The following CDH23 variants were observed in gnomAD, a reference collection of about 807,000 sequenced individuals.
The protein encoded by CDH23 is cadherin related 23, also known as cadherin-23.
Under a neutral mutation model 317.1 loss-of-function variants are expected in CDH23, and 189 were observed. That is an observed-to-expected ratio of 0.60 (90% CI 0.53 to 0.67). CDH23 has a LOEUF of 0.67. Ranked by LOEUF, CDH23 falls within the 30% of genes least tolerant of loss-of-function variation. The pLI is 0.00. For missense variants in CDH23, 4,401 were observed against 4,592.4 expected (o/e 0.96, Z 1.20); for synonymous variants, 1,839 against 1,876.8 (o/e 0.98, Z 0.52).
intron 9 of CDH23, among the ~76,000 whole-genome samples, chr10:71,580,680 C>T (rs886569060): frequency 5.3e-5 from 8 of 152,190 alleles, no homozygotes; most frequent in South Asian, 2.1e-4. Context: ...TTGAACAACA[C>T]GTGCAGGGTG....
intron 1 of CDH23, among the ~76,000 whole-genome samples, chr10:71,434,915 CCTT>C (rs1849551903): frequency 6.6e-6 from 1 of 152,320 alleles, no homozygotes; most frequent in African/African-American, 2.4e-5. Context: ...CAGCCATCTG[CCTT>C]CTTCTTGGCA....
At chr10:71,689,629 C>T (rs1441497524) in intron 19 of CDH23, among the ~76,000 whole-genome samples, 1 of 152,234 alleles carries the variant, frequency 6.6e-6, no homozygotes, top group Non-Finnish European at 1.5e-5. Flanking sequence ...ACCAGCCCTG[C>T]AGCCCAGTGG....
At chr10:71,763,601 C>A (rs1840453678) in intron 38 of CDH23, among the ~76,000 whole-genome samples, 1 of 152,214 alleles carries the variant, frequency 6.6e-6, no homozygotes, top group Non-Finnish European at 1.5e-5. Flanking sequence ...CTGTACTGGA[C>A]CAGTAGCTGT....
intron 9 of CDH23, among the ~76,000 whole-genome samples, chr10:71,597,103 T>G (rs1054347426): frequency 6.6e-6 from 1 of 152,028 alleles, no homozygotes; most frequent in African/African-American, 2.4e-5. Flanking sequence ...ACTTGTTATA[T>G]CATAGGCCCC....
intron 38 of CDH23, chr10:71,753,891 G>A: frequency 2.2e-6 from 1 of 456,368 alleles, no homozygotes; most frequent in Non-Finnish European, 4.4e-6. Context: ...CTTCGTGCAG[G>A]TGCACACGGG....
At chr10:71,741,613 C>G in intron 37 of CDH23, 81 bp from the exon 38 acceptor site, 1 of 1,216,050 alleles carries the variant, frequency 8.2e-7, no homozygotes, top group Non-Finnish European at 1.2e-6. Context: ...ACAGGGGGAG[C>G]CTTCGGGCTA....
At chr10:71,521,492 C>G (rs1854679116) in intron 6 of CDH23, among the ~76,000 whole-genome samples, 1 of 152,184 alleles carries the variant, frequency 6.6e-6, no homozygotes, top group Non-Finnish European at 1.5e-5. Context: ...CATTCCTATC[C>G]CAATACCAAG....
At chr10:71,502,411 G>A (rs1199437453) in intron 3 of CDH23, among the ~76,000 whole-genome samples, 6 of 152,230 alleles carry the variant, frequency 3.9e-5, no homozygotes, top group Admixed American at 1.3e-4. Flanking sequence ...TAAGGTCTGT[G>A]TGGGCAAGAG....
At chr10:71,715,881 G>A in intron 28 of CDH23, 7 of 1,417,504 alleles carry the variant, frequency 4.9e-6, no homozygotes, top group Non-Finnish European at 6.5e-6. Flanking sequence ...CTCTGAAGCA[G>A]GAGGATCTAC....
At chr10:71,521,799 G>T (rs1025633613) in intron 6 of CDH23, among the ~76,000 whole-genome samples, 3 of 152,208 alleles carry the variant, frequency 2.0e-5, no homozygotes, top group African/African-American at 7.2e-5. Context: ...ACAAGTCTCT[G>T]CTCCTTATAC....
intron 9 of CDH23, among the ~76,000 whole-genome samples, chr10:71,613,383 C>A (rs1418173922): frequency 2.0e-5 from 3 of 152,178 alleles, no homozygotes; most frequent in Non-Finnish European, 4.4e-5. Context: ...AAGCCTTAGG[C>A]AAGGGGATAG....
intron 1 of CDH23, among the ~76,000 whole-genome samples, chr10:71,403,911 G>A (rs924454657): frequency 6.7e-6 from 1 of 148,958 alleles, no homozygotes; most frequent in African/African-American, 2.5e-5. Flanking sequence ...CCAACATGGT[G>A]AAACCCCGTC....
chr10:71,639,448 G>A (rs1164054146), intron 11 of CDH23, among the ~76,000 whole-genome samples: 1 of 152,200 alleles, frequency 6.6e-6, no homozygotes, highest in South Asian at 2.1e-4. Context: ...TGAGGTGCTT[G>A]TGGGCCTCCT....
intron 30 of CDH23, among the ~76,000 whole-genome samples, chr10:71,725,796 C>G (rs1390445513): frequency 1.3e-5 from 2 of 152,192 alleles, no homozygotes; most frequent in African/African-American, 4.8e-5. Context: ...GTACTAACCC[C>G]TGTATCCACA....
intron 1 of CDH23, among the ~76,000 whole-genome samples, chr10:71,408,111 C>T (rs752834493): frequency 2.0e-5 from 3 of 152,134 alleles, no homozygotes; most frequent in Admixed American, 6.5e-5. Context: ...ATGACGATCT[C>T]GAAACCCCAG....
intron 3 of CDH23, among the ~76,000 whole-genome samples, chr10:71,454,019 A>T: frequency 6.6e-6 from 1 of 152,206 alleles, no homozygotes; most frequent in East Asian, 1.9e-4. Context: ...GGAGGTAGAC[A>T]GTGGGGGTGT....
chr10:71,471,854 C>T (rs757300306), intron 3 of CDH23, among the ~76,000 whole-genome samples: 1 of 152,198 alleles, frequency 6.6e-6, no homozygotes, highest in Non-Finnish European at 1.5e-5. Flanking sequence ...TTCCTCTGTA[C>T]TCATGGCCTG....
chr10:71,755,952 A>T (rs1169299884), intron 38 of CDH23, among the ~76,000 whole-genome samples: 1 of 152,164 alleles, frequency 6.6e-6, no homozygotes, highest in East Asian at 1.9e-4. Flanking sequence ...AAATGGTTGA[A>T]ATGGCAAATT....
intron 3 of CDH23, among the ~76,000 whole-genome samples, chr10:71,467,289 C>G (rs1414277137): frequency 1.3e-5 from 2 of 152,180 alleles, no homozygotes; most frequent in Admixed American, 1.3e-4. Flanking sequence ...ATAATGTATG[C>G]CAGTGGTTCT....
Sources: gnomAD v4.1 joint callset for allele counts (sites outside exome capture counted in the v4.1 genomes callset) on GRCh38, gnomAD v4.1.1 for gene constraint, MANE v1.5 for transcripts, NCBI Gene and HGNC (gene_info 2026-07-23, HGNC 2026-07-21) for gene names.